Variants in FGF14 observed in about 807,000 individuals in gnomAD.
FGF14 encodes the protein fibroblast growth factor homologous factor 4.
A neutral mutation model predicts 25.5 loss-of-function variants in FGF14; 5 were observed. The observed-to-expected ratio is 0.20, with a 90% CI of 0.10 to 0.41. The LOEUF is 0.41. Among genes scored for constraint, FGF14 ranks in the 10% least tolerant of loss-of-function variants. FGF14 has a pLI of 1.00. For missense variants in FGF14, 222 were observed against 320.1 expected (o/e 0.69, Z 2.34); for synonymous variants, 138 against 118.3 (o/e 1.17, Z -1.08).
rs113615013 is a variant in FGF14, at chr13:102,319,494, G to A, written c.208+81977C>T. Among the ~76,000 whole-genome samples, 451 of 152,312 alleles carry A rather than the reference G, an allele frequency of 3.0e-3. 2 individuals carry two copies. Among genetic ancestry groups the A allele is most frequent in the African/African-American group, 0.01 (431 of 41,576 alleles). On this transcript the variant is annotated intron_variant, in intron 1 of 4. Coordinates refer to the FGF14 transcript ENST00000376131. ...CTTGCCCCCACCAGCACACAGCAGT[G>A]CAGACACCATACAGCATGGCTGCGC... is the stretch of plus-strand genomic sequence containing the variant.
intron 1 of FGF14, among the ~76,000 whole-genome samples, chr13:101,990,921 T>C (rs746113331): frequency 5.9e-5 from 9 of 152,070 alleles, no homozygotes; most frequent in Non-Finnish European, 1.2e-4. Flanking sequence ...GTAATTTAAG[T>C]AAAATCGACA....
chr13:101,939,067 C>A (rs985425197), intron 1 of FGF14, among the ~76,000 whole-genome samples: 1 of 152,092 alleles, frequency 6.6e-6, no homozygotes, highest in Non-Finnish European at 1.5e-5. Flanking sequence ...GCCAATAGTG[C>A]CAAGGCTGAG....
intron 1 of FGF14, among the ~76,000 whole-genome samples, chr13:102,303,769 T>A (rs117036997): frequency 0.02 from 2,973 of 152,298 alleles, 33 homozygotes; most frequent in Non-Finnish European, 0.032. Flanking sequence ...GTTGTGTCAC[T>A]GCCACGAACC....
At chr13:102,068,687 G>A (rs1007016894) in intron 1 of FGF14, among the ~76,000 whole-genome samples, 27 of 152,314 alleles carry the variant, frequency 1.8e-4, no homozygotes, top group Admixed American at 4.6e-4. Context: ...TCGATTTCTC[G>A]CCGGGCCTTA....
intron 1 of FGF14, among the ~76,000 whole-genome samples, chr13:102,088,537 T>C (rs1269922197): frequency 6.6e-6 from 1 of 152,124 alleles, no homozygotes; most frequent in Non-Finnish European, 1.5e-5. Flanking sequence ...AGGTCAAAAA[T>C]ACCACATTTT....
intron 1 of FGF14, among the ~76,000 whole-genome samples, chr13:102,157,261 T>A (rs2047387473): frequency 6.6e-6 from 1 of 152,146 alleles, no homozygotes; most frequent in Admixed American, 6.6e-5. Flanking sequence ...CAAACTATAC[T>A]ACAACGCTAC....
At chr13:102,385,594 ATTT>A (rs1296393899) in intron 1 of FGF14, among the ~76,000 whole-genome samples, 1 of 152,326 alleles carries the variant, frequency 6.6e-6, no homozygotes, top group East Asian at 1.9e-4. Context: ...ATGAAATATC[ATTT>A]TTTATTTTCA....
intron 1 of FGF14, among the ~76,000 whole-genome samples, chr13:102,366,764 A>G (rs1270398118): frequency 1.3e-5 from 2 of 152,234 alleles, no homozygotes; most frequent in Non-Finnish European, 1.5e-5. Context: ...CAAGCAGGTA[A>G]TATCTTAAAA....
At chr13:101,909,939 G>A (rs2032718972) in intron 1 of FGF14, among the ~76,000 whole-genome samples, 1 of 152,180 alleles carries the variant, frequency 6.6e-6, no homozygotes, top group Non-Finnish European at 1.5e-5. Context: ...AATGTCCTTT[G>A]TAGGGACATG....
intron 1 of FGF14, among the ~76,000 whole-genome samples, chr13:102,189,507 A>G (rs1207038277): frequency 1.3e-5 from 2 of 152,224 alleles, no homozygotes; most frequent in African/African-American, 4.8e-5. Flanking sequence ...TTATGGAGGT[A>G]GAATCCCTTA....
At chr13:101,960,039 A>C (rs2036749605) in intron 1 of FGF14, among the ~76,000 whole-genome samples, 1 of 152,240 alleles carries the variant, frequency 6.6e-6, no homozygotes, top group African/African-American at 2.4e-5. Context: ...TATTTATTGA[A>C]TAAAATGTCA....
intron 1 of FGF14, among the ~76,000 whole-genome samples, chr13:102,218,517 A>G (rs2072904439): frequency 6.6e-6 from 1 of 151,996 alleles, no homozygotes; most frequent in Non-Finnish European, 1.5e-5. Flanking sequence ...AAGAAAACTT[A>G]GAAGGAAGAA....
chr13:102,118,402 G>T (rs1319984479), intron 1 of FGF14, among the ~76,000 whole-genome samples: 1 of 146,820 alleles, frequency 6.8e-6, no homozygotes, highest in Non-Finnish European at 1.5e-5. Context: ...AACGGACCAA[G>T]AAAATAATAC....
intron 1 of FGF14, among the ~76,000 whole-genome samples, chr13:102,096,661 G>A (rs1047588538): frequency 2.6e-5 from 4 of 152,106 alleles, no homozygotes; most frequent in East Asian, 3.9e-4. Flanking sequence ...TTTCAAGCAC[G>A]TGCAGTTTCC....
intron 1 of FGF14, among the ~76,000 whole-genome samples, chr13:102,258,341 C>T (rs1036191399): frequency 3.3e-5 from 5 of 152,102 alleles, no homozygotes; most frequent in Non-Finnish European, 1.5e-5. Flanking sequence ...CTGTGCCCCA[C>T]CCACCAGTGT....
intron 1 of FGF14, among the ~76,000 whole-genome samples, chr13:102,161,854 T>C (rs2047790979): frequency 6.6e-6 from 1 of 150,698 alleles, no homozygotes; most frequent in Non-Finnish European, 1.5e-5. Context: ...ACCTGGAGAA[T>C]GAGTGAATGA....
intron 1 of FGF14, among the ~76,000 whole-genome samples, chr13:102,189,740 T>C (rs1270460131): frequency 1.3e-5 from 2 of 152,098 alleles, no homozygotes; most frequent in East Asian, 3.9e-4. Context: ...GTTCTGCAGG[T>C]TATGCAAGCA....
chr13:101,886,356 G>A (rs2045987907), intron 1 of FGF14, among the ~76,000 whole-genome samples: 1 of 152,062 alleles, frequency 6.6e-6, no homozygotes, highest in East Asian at 1.9e-4. Flanking sequence ...ATAGACCAAT[G>A]GAACAGAATA....
rs547194676 is a variant in FGF14 at position 101,855,984 on chromosome 13, C to A, written c.408+12741G>T. Among the ~76,000 whole-genome samples the A allele has an allele frequency of 3.3e-5, 5 of 151,142 alleles. No individual in the cohort carries two copies. In the South Asian group the frequency reaches 6.2e-4, roughly 19 times the overall value. On this transcript the variant is annotated intron_variant, in intron 3 of 4. Transcript: ENST00000376143. The stretch of plus-strand genomic sequence containing the variant: ...ACTTCAGTGTGCAAGCCTTCTTGTA[C>A]AATGTAATTTTAAATTAAATAAAGT...
Sources: gnomAD v4.1 joint callset for allele counts (sites outside exome capture counted in the v4.1 genomes callset) on GRCh38, gnomAD v4.1.1 for gene constraint, MANE v1.5 for transcripts, NCBI Gene and HGNC (gene_info 2026-07-23, HGNC 2026-07-21) for gene names.